PLVAP: variants seen among roughly 807,000 people sequenced by gnomAD.
PLVAP encodes plasmalemma vesicle-associated protein.
In PLVAP, 34 loss-of-function variants were observed where a neutral mutation model predicts 43.1. The ratio of observed to expected loss-of-function variants is 0.79; its 90% CI spans 0.60 to 1.05. The LOEUF (loss-of-function observed/expected upper bound fraction) is 1.05, where lower values mean the gene tolerates loss of function less well. Among genes scored for constraint, PLVAP ranks in the 50% least tolerant of loss-of-function variants. The pLI, the probability that PLVAP is intolerant of heterozygous loss-of-function variation, is 0.00. For missense variants in PLVAP, 574 were observed against 593.4 expected (o/e 0.97, Z 0.34); for synonymous variants, 241 against 237.3 (o/e 1.02, Z -0.14).
chr19:17,367,229 T>A (rs187771512), intron 1 of PLVAP, among the ~76,000 whole-genome samples: 1 of 151,494 alleles, frequency 6.6e-6, no homozygotes, highest in East Asian at 2.0e-4. Context: ...TTGTTTTTTT[T>A]AAAGAGATGG....
chr19:17,372,479 C>T (rs1292555473), intron 1 of PLVAP, among the ~76,000 whole-genome samples: 14 of 149,210 alleles, frequency 9.4e-5, no homozygotes, highest in South Asian at 2.1e-4. Context: ...TTTTTTGAGA[C>T]GGAGTCTCGC....
Position 17,377,124 on chromosome 19 carries a change from G to T in PLVAP, c.165C>A (p.Ser55Arg). ...CGGTGGCCTGCAGGTTGGACTCTGT[G>T]CTCACGTGCACGTTGCCATAGACCA... ...LFMVYGNVHV[S>R]TESNLQATER... The change falls in exon 1 of 6, where the codon AGC becomes AGA. Residue 55 changes from serine (S) to arginine (R), a missense_variant. By Grantham distance (110) the Ser-to-Arg change is moderately radical. Coordinates refer to ENST00000252590, the MANE Select transcript of PLVAP (RefSeq NM_031310.3). 6.2e-7 allele frequency: 1 copy of T among 1,614,164 alleles called. No homozygotes were observed. Among genetic ancestry groups the T allele is most frequent in the Non-Finnish European group, 8.5e-7 (1 of 1,180,030 alleles).
At position 17,360,804 on chromosome 19, in the gene PLVAP, G is replaced by A; in HGVS notation, c.1208C>T (p.Pro403Leu). Reference sequence around the variant, plus strand: ...CTGGGGGTTGGGGACAGGGCCCATGGGCCTTGACACTGGCATCATCGGCTG... The same window carrying A: ...CTGGGGGTTGGGGACAGGGCCCATGAGCCTTGACACTGGCATCATCGGCTG... Reference protein sequence around the residue: ...KSQPMMPVSRPMGPVPNPQPI... With the variant: ...KSQPMMPVSRLMGPVPNPQPI... Residue 403 changes from proline to leucine, a missense_variant, in exon 4 of 6, where the codon CCC becomes CTC. Pro to Leu is a moderately conservative substitution (Grantham distance 98, BLOSUM62 -3). Coordinates refer to ENST00000252590, the MANE Select transcript of PLVAP (RefSeq NM_031310.3). 6.2e-7 allele frequency: 1 copy of A among 1,614,078 alleles called. No homozygotes were observed. Among genetic ancestry groups the A allele is most frequent in the Non-Finnish European group, 8.5e-7 (1 of 1,179,906 alleles).
At chr19:17,374,631 GT>G (rs531954634) in intron 1 of PLVAP, among the ~76,000 whole-genome samples, 33 of 145,692 alleles carry the variant, frequency 2.3e-4, no homozygotes, top group East Asian at 2.0e-3. Flanking sequence ...TCCTTTTTTT[GT>G]TTTTTTTTTT....
chr19:17,363,578 C>T (rs927950965), intron 3 of PLVAP, among the ~76,000 whole-genome samples: 1 of 278 alleles, frequency 3.6e-3, no homozygotes, highest in Non-Finnish European at 9.1e-3. Flanking sequence ...ATTTTGGAAC[C>T]CCAGATGTCT....
At chr19:17,370,973 G>A (rs1027646697) in intron 1 of PLVAP, among the ~76,000 whole-genome samples, 3 of 151,202 alleles carry the variant, frequency 2.0e-5, no homozygotes, top group Non-Finnish European at 1.5e-5. Context: ...GGAGAATGGC[G>A]TGAACCTGGG....
chr19:17,375,651 G>A (rs1157035879), intron 1 of PLVAP, among the ~76,000 whole-genome samples: 1 of 152,162 alleles, frequency 6.6e-6, no homozygotes, highest in East Asian at 1.9e-4. Context: ...GGAGGCCGAG[G>A]TGGGTGGCTC....
Position 17,365,399 on chromosome 19 carries a change from T to C in PLVAP, c.1066A>G (p.Lys356Glu). 3 of 1,613,218 alleles carry C rather than the reference T, an allele frequency of 1.9e-6. No homozygotes were observed. Among genetic ancestry groups the C allele is most frequent in the African/African-American group, 2.7e-5 (2 of 75,012 alleles). ...LALEEKAVLR[K>E]ERDNLAKELE... ...TCCTTGGCCAGGTTGTCTCGTTCCT[T>C]CCGCAGCACCGCCTTCTCCTCCAGC... Residue 356 changes from lysine (K) to glutamate (E), a missense_variant, in exon 3 of 6, where the codon AAG (lysine) becomes GAG (glutamate). Lys to Glu is a moderately conservative substitution (Grantham distance 56). Coordinates refer to ENST00000252590, the MANE Select transcript of PLVAP (RefSeq NM_031310.3).
chr19:17,352,312 C>T lies in PLVAP; in HGVS notation c.*50G>A, dbSNP rs1412801286. 1.9e-6 allele frequency: 3 copies of T among 1,611,118 alleles called. No individual in the cohort carries two copies. The highest frequency in any genetic ancestry group is 2.5e-6 in the Non-Finnish European group (3 of 1,178,010). On this transcript the variant is annotated 3_prime_UTR_variant, in exon 6 of 6. Coordinates refer to ENST00000252590, the MANE Select transcript of PLVAP (RefSeq NM_031310.3). The stretch of plus-strand genomic sequence containing the variant: ...GCTGTGAGCATATCCCTGCATCCTC[C>T]GCAAACCGCCGAGTCGGGCCATCCC...
Position 17,374,232 on chromosome 19 carries a change from C to T in PLVAP, c.369+2688G>A, listed in dbSNP as rs371500667. On this transcript the variant is annotated intron_variant, in intron 1 of 5. Transcript: ENST00000252590. ...CTGTAATCCCAGCACTTTGGGAGGC[C>T]GAGGCGGGTGGATCACAGGGTCAGG... Among the ~76,000 whole-genome samples, 61 of 152,082 alleles carry T rather than the reference C, an allele frequency of 4.0e-4. No individual in the cohort carries two copies. The East Asian group carries it at 5.4e-3, about 14-fold the overall frequency.
Position 17,377,332 on chromosome 19 carries a change from A to G in PLVAP, c.-44T>C. On this transcript the variant is annotated 5_prime_UTR_variant, in exon 1 of 6. Coordinates refer to ENST00000252590, the MANE Select transcript of PLVAP (RefSeq NM_031310.3). ...CGGTGCACCGTCCCTGCTCACCACC[A>G]GGCCTGCTCTGGCCCCCGCCTCGCA... 1.3e-6 allele frequency: 2 copies of G among 1,490,386 alleles called. No individual in the cohort carries two copies. The highest frequency in any genetic ancestry group is 4.5e-5 in the East Asian group (2 of 44,204). The allele number at this position is 1,490,386 out of a possible 1,614,324, so 92.3% of individuals were successfully genotyped here.
intron 3 of PLVAP, among the ~76,000 whole-genome samples, chr19:17,363,759 T>TG (rs2074537365): frequency 1.3e-5 from 2 of 149,322 alleles, no homozygotes; most frequent in Non-Finnish European, 3.0e-5. Flanking sequence ...TTTTTTTTTT[T>TG]TGAGAGAGAA....
chr19:17,363,883 C>T lies in PLVAP; in HGVS notation c.1179+1403G>A, dbSNP rs553458447. Among the ~76,000 whole-genome samples the T allele has an allele frequency of 5.3e-5, 8 of 151,630 alleles. No homozygotes were observed. The East Asian group carries it at 1.6e-3, about 29-fold the overall frequency. ...TCAGCCTGCTGAGTAGCTGGGACTA[C>T]AGGCGCCCGCCACCACACCCGGCTA... On this transcript the variant is annotated intron_variant, in intron 3 of 5. Transcript: ENST00000252590.
At chr19:17,374,422 G>A (rs1056563342) in intron 1 of PLVAP, among the ~76,000 whole-genome samples, 7 of 151,118 alleles carry the variant, frequency 4.6e-5, no homozygotes, top group Non-Finnish European at 7.4e-5. Context: ...CCGAGACTGC[G>A]CCACTGCACT....
In PLVAP at chr19:17,359,693, C is replaced by CTTTTTTTTTTT. The variant is rs10617408; in HGVS notation, c.1322+824_1322+834dup. Among the ~76,000 whole-genome samples, 51 of 116,138 alleles carry CTTTTTTTTTTT rather than the reference C, an allele frequency of 4.4e-4. 5 individuals are homozygous for CTTTTTTTTTTT. The highest frequency in any genetic ancestry group is 5.5e-4 in the Non-Finnish European group (32 of 57,846). 76.2% of individuals were successfully genotyped at this position (116,138 alleles called of 152,430 possible). ...AGGCGTAAGCCACCGTACCCGGCCT[C>CTTTTTTTTTTT]TTTTTTTTTTTTTTTTTCTGACACA... On this transcript the variant is annotated intron_variant, in intron 5 of 5. Transcript: ENST00000252590.
In PLVAP at chr19:17,352,498, C is replaced by T. The variant is rs1423253623; in HGVS notation, c.1323-130G>A. Reference sequence around the variant, plus strand: ...GGGACCCCGGCCCTGCCTCCTACCACCCTGGGCCCCTACTTCTTCCTCAGA... The same window carrying T: ...GGGACCCCGGCCCTGCCTCCTACCATCCTGGGCCCCTACTTCTTCCTCAGA... On this transcript the variant is annotated intron_variant, in intron 5 of 5. Coordinates refer to ENST00000252590, the MANE Select transcript of PLVAP (RefSeq NM_031310.3). 4 of 970,606 alleles carry T rather than the reference C, an allele frequency of 4.1e-6. No individual in the cohort carries two copies. The African/African-American group carries it at 4.8e-5, about 12-fold the overall frequency. The allele number at this position is 970,606 out of a possible 1,614,324, so 60.1% of individuals were successfully genotyped here.
intron 1 of PLVAP, 131 bp downstream of exon 1, chr19:17,376,789 C>T: frequency 2.1e-6 from 2 of 970,010 alleles, no homozygotes; most frequent in Non-Finnish European, 3.0e-6. Context: ...CGGAGCGAGA[C>T]TCTGTCTCAT....
chr19:17,364,054 G>T (rs983670271), intron 3 of PLVAP, among the ~76,000 whole-genome samples: 2 of 150,962 alleles, frequency 1.3e-5, no homozygotes, highest in African/African-American at 4.9e-5. Context: ...CCTAATTTTT[G>T]TATTTTTTTT....
At chr19:17,354,466 G>T (rs999046263) in intron 5 of PLVAP, among the ~76,000 whole-genome samples, 1 of 151,490 alleles carries the variant, frequency 6.6e-6, no homozygotes, top group African/African-American at 2.4e-5. Context: ...GTGTGGTGGT[G>T]CATGCCTTTA....
Sources: allele counts gnomAD v4.1 joint callset (sites outside exome capture counted in the v4.1 genomes callset), GRCh38; gene constraint gnomAD v4.1.1; transcripts MANE v1.5; gene names NCBI Gene and HGNC (gene_info 2026-07-23, HGNC 2026-07-21).